The following TNFSF8 variants were observed in gnomAD, a reference collection of about 807,000 sequenced individuals.
TNFSF8 encodes the protein tumor necrosis factor ligand superfamily member 8.
TNFSF8 carries 4 observed loss-of-function variants against 22.0 expected under a neutral mutation model. That is an observed-to-expected ratio of 0.18 (90% CI 0.09 to 0.42). TNFSF8 has a LOEUF of 0.42. Ranked by LOEUF, TNFSF8 falls within the 10% of genes least tolerant of loss-of-function variation. The pLI, the probability that TNFSF8 is intolerant of heterozygous loss-of-function variation, is 1.00. For synonymous variants in TNFSF8, 106 were observed against 112.5 expected, an observed-to-expected ratio of 0.94 and a Z score of 0.37; for missense variants, 233 against 281.8, an observed-to-expected ratio of 0.83 and a Z score of 1.24.
At chr9:114,918,452 A>T (rs7040707) in intron 1 of TNFSF8, among the ~76,000 whole-genome samples, 1 of 129,536 alleles carries the variant, frequency 7.7e-6, no homozygotes, top group African/African-American at 2.6e-5. Context: ...CAGAGCTGGG[A>T]CTTTTTTTTT....
rs1380585429 is a variant in TNFSF8 at position 114,903,987 on chromosome 9, T to C, written c.649A>G (p.Ser217Gly). ...NVDTFQYIDT[S>G]TFPLENVLSI... ...AACACATTCTCAAGAGGAAAGGTGC[T>C]TGTATCTATGTACTGGAATGTATCC... is the stretch of plus-strand genomic sequence containing the variant. Residue 217 changes from serine to glycine, a missense_variant, in exon 4 of 4, where the codon AGC becomes GGC. Ser to Gly is a moderately conservative substitution (Grantham distance 56). Coordinates refer to ENST00000223795, the MANE Select transcript of TNFSF8 (RefSeq NM_001244.4). 6.2e-7 allele frequency: 1 copy of C among 1,613,998 alleles called. No homozygotes were observed. The highest frequency in any genetic ancestry group is 1.3e-5 in the African/African-American group (1 of 74,932).
downstream of TNFSF8, among the ~76,000 whole-genome samples, chr9:114,898,166 C>G (rs980048802): frequency 1.9e-5 from 2 of 104,496 alleles, no homozygotes; most frequent in African/African-American, 5.3e-5. Flanking sequence ...CCATGCCCAG[C>G]TAATTTTTTG....
chr9:114,920,378 T>C (rs1191074866), intron 1 of TNFSF8, among the ~76,000 whole-genome samples: 1 of 152,214 alleles, frequency 6.6e-6, no homozygotes, highest in Non-Finnish European at 1.5e-5. Flanking sequence ...CGGGAAGTCC[T>C]AGAGAATCAT....
rs1357221887 is a variant in TNFSF8 at position 114,895,872 on chromosome 9, A to G, written c.410-1708T>C. ...AAGTACAGCCCCCATAGAAGTTTCT[A>G]AACTGCATCCAAAGCTTTCAACATG... On this transcript the variant is annotated intron_variant, in intron 4 of 4. Coordinates refer to the TNFSF8 transcript ENST00000618336. 2.6e-5 allele frequency among the ~76,000 whole-genome samples: 4 copies of G among 152,246 alleles called. No homozygotes were observed. In the East Asian group the frequency reaches 5.8e-4, roughly 22 times the overall value.
intron 1 of TNFSF8, among the ~76,000 whole-genome samples, chr9:114,923,522 C>CTTTCTTTCTTTCTTT (rs758823996): frequency 4.5e-4 from 40 of 89,742 alleles, no homozygotes; most frequent in African/African-American, 8.5e-4. Context: ...TTCTTTCTTT[C>CTTTCTTTCTTTCTTT]TTTTTTTTTT....
intron 1 of TNFSF8, among the ~76,000 whole-genome samples, chr9:114,919,829 T>G (rs1827965192): frequency 6.6e-6 from 1 of 152,220 alleles, no homozygotes; most frequent in South Asian, 2.1e-4. Flanking sequence ...AAAGCTTGTT[T>G]TCTTATGAAT....
intron 4 of TNFSF8, among the ~76,000 whole-genome samples, chr9:114,895,155 T>C (rs1253673531): frequency 6.6e-6 from 1 of 152,246 alleles, no homozygotes; most frequent in Non-Finnish European, 1.5e-5. Context: ...CTGACTAGTT[T>C]AGCTGATATC....
At chr9:114,904,556 C>T (rs909185803) in intron 3 of TNFSF8, among the ~76,000 whole-genome samples, 3 of 152,196 alleles carry the variant, frequency 2.0e-5, no homozygotes, top group African/African-American at 7.2e-5. Flanking sequence ...AGGTTCAGAA[C>T]ACACATGGTA....
intron 2 of TNFSF8, among the ~76,000 whole-genome samples, chr9:114,912,476 G>A (rs954994811): frequency 2.0e-5 from 3 of 152,196 alleles, no homozygotes; most frequent in Admixed American, 6.5e-5. Flanking sequence ...TGCAATCTCC[G>A]CCTCTGGGGT....
chr9:114,895,406 C>T (rs895173643), intron 4 of TNFSF8, among the ~76,000 whole-genome samples: 1 of 152,176 alleles, frequency 6.6e-6, no homozygotes, highest in Non-Finnish European at 1.5e-5. Context: ...TTATCTAGTC[C>T]AGTTTTCCCT....
Position 114,903,899 on chromosome 9 carries a change from G to A in TNFSF8, c.*32C>T. 1 of 1,576,110 alleles carries A rather than the reference G, an allele frequency of 6.3e-7. No homozygotes were observed. ...GGATGAAATACTGTATGGTAGAGAG[G>A]CGCTTTCTTCCTGAAGGCCAAGAGA... On this transcript the variant is annotated 3_prime_UTR_variant, in exon 4 of 4. Coordinates refer to ENST00000223795, the MANE Select transcript of TNFSF8 (RefSeq NM_001244.4).
At chr9:114,909,553 A>G (rs1041329612) in intron 2 of TNFSF8, among the ~76,000 whole-genome samples, 2 of 152,226 alleles carry the variant, frequency 1.3e-5, no homozygotes, top group Non-Finnish European at 2.9e-5. Context: ...TTACTTCTGC[A>G]CCAACATAAT....
intron 1 of TNFSF8, among the ~76,000 whole-genome samples, chr9:114,929,637 T>C (rs1478333212): frequency 6.6e-6 from 1 of 152,038 alleles, no homozygotes; most frequent in Non-Finnish European, 1.5e-5. Context: ...CTGAAGTCCT[T>C]GAAGACATGA....
intron 1 of TNFSF8, among the ~76,000 whole-genome samples, chr9:114,925,395 G>A (rs1828045259): frequency 6.6e-6 from 1 of 152,106 alleles, no homozygotes; most frequent in African/African-American, 2.4e-5. Context: ...ATGTTCCACG[G>A]GATGGGCTGG....
At chr9:114,921,679 GGGGATCT>G (rs1814388093) in intron 1 of TNFSF8, among the ~76,000 whole-genome samples, 1 of 152,166 alleles carries the variant, frequency 6.6e-6, no homozygotes, top group Admixed American at 6.5e-5. Flanking sequence ...AATCTTGTCT[GGGGATCT>G]GGGTCCTAGC....
At chr9:114,915,499 C>T (rs957917477) in intron 2 of TNFSF8, among the ~76,000 whole-genome samples, 1 of 152,088 alleles carries the variant, frequency 6.6e-6, no homozygotes, top group African/African-American at 2.4e-5. Context: ...GCATTAAAAG[C>T]AAGAGAAAGT....
At chr9:114,893,941 G>C in exon 5 of TNFSF8, 1 of 681,158 alleles carries the variant, frequency 1.5e-6, no homozygotes, top group Admixed American at 2.3e-5. Context: ...GATTCTGTTT[G>C]TGGGGGGTGA....
chr9:114,896,931 C>T (rs1827661513), downstream of TNFSF8, among the ~76,000 whole-genome samples: 1 of 151,764 alleles, frequency 6.6e-6, no homozygotes, highest in Non-Finnish European at 1.5e-5. Context: ...GATTGAGTTT[C>T]ACTCTTGTTG....
intron 1 of TNFSF8, 120 bp downstream of exon 1, chr9:114,929,989 G>GAGAA: frequency 1.8e-6 from 1 of 570,780 alleles, no homozygotes; most frequent in Non-Finnish European, 2.8e-6. Flanking sequence ...GAGAGAGAGA[G>GAGAA]TTTATTTATT....
Sources: gnomAD v4.1 joint callset for allele counts (sites outside exome capture counted in the v4.1 genomes callset) on GRCh38, gnomAD v4.1.1 for gene constraint, MANE v1.5 for transcripts, NCBI Gene and HGNC (gene_info 2026-07-23, HGNC 2026-07-21) for gene names.